Variants in PPP2R1A observed in about 807,000 individuals in gnomAD.
PPP2R1A encodes the protein protein phosphatase 2 scaffold subunit Aalpha.
Under a neutral mutation model 67.1 loss-of-function variants are expected in PPP2R1A, and 15 were observed. The ratio of observed to expected loss-of-function variants is 0.22; its 90% CI spans 0.15 to 0.34. The LOEUF is 0.34. PPP2R1A is among the 10% of genes least tolerant of loss of function. PPP2R1A has a pLI of 1.00. For synonymous variants in PPP2R1A, 337 were observed against 325.0 expected, an observed-to-expected ratio of 1.04 and a Z score of -0.40; for missense variants, 369 against 775.0, an observed-to-expected ratio of 0.48 and a Z score of 6.22.
chr19:52,197,541 G>A (rs1487811420), intron 1 of PPP2R1A, among the ~76,000 whole-genome samples: 1 of 152,122 alleles, frequency 6.6e-6, no homozygotes, highest in Non-Finnish European at 1.5e-5. Flanking sequence ...TGGGCTTGGT[G>A]ACACCTGCCT....
chr19:52,191,288 A>G (rs918113029), intron 1 of PPP2R1A: 2 of 151,882 alleles, frequency 1.3e-5, no homozygotes, highest in Non-Finnish European at 2.9e-5. Context: ...AAATTACTTC[A>G]CCGCTTTGGG....
At chr19:52,223,783 T>C (rs996929355) in intron 13 of PPP2R1A, among the ~76,000 whole-genome samples, 1 of 152,194 alleles carries the variant, frequency 6.6e-6, no homozygotes, top group Non-Finnish European at 1.5e-5. Flanking sequence ...TAGGGTTTGA[T>C]CACTCTGAAA....
Position 52,213,045 on chromosome 19 carries a change from C to T in PPP2R1A, c.742C>T (p.Leu248=), listed in dbSNP as rs2122338474. ...TCTGGAGGCCCTGGTGATGCCCACT[C>T]TGCGCCAGGCCGCTGAAGACAAGTC... ...EDLEALVMPT[L]RQAAEDKSWR... is the part of the protein sequence containing the mutation. The change falls in exon 6 of 15, where the codon CTG becomes TTG. Residue 248 remains leucine, a synonymous_variant. Transcript: ENST00000322088. The surrounding 1 kb of genome is among the most constrained non-coding windows in gnomAD (Gnocchi z 4.2). 5 of 1,611,130 alleles carry T rather than the reference C, an allele frequency of 3.1e-6. No homozygotes were observed. Among genetic ancestry groups the T allele is most frequent in the Non-Finnish European group, 4.2e-6 (5 of 1,179,398 alleles).
rs1979436437 is a variant in PPP2R1A at position 52,229,311 on chromosome 19, G to A, written c.*3330G>A. On this transcript the variant is annotated 3_prime_UTR_variant, in exon 15 of 15. Transcript: ENST00000322088. Reference sequence around the variant, plus strand: ...TATGAAAAAATTAGCTGGGCGTGGTGGAGGGCGCCTGTAATCCCAGCTACT... The same window carrying A: ...TATGAAAAAATTAGCTGGGCGTGGTAGAGGGCGCCTGTAATCCCAGCTACT... 1 of 152,306 alleles carries A rather than the reference G, an allele frequency of 6.6e-6. No homozygotes were observed. The highest frequency in any genetic ancestry group is 2.1e-4 in the South Asian group (1 of 4,820). 9.4% of individuals were successfully genotyped at this position (152,306 alleles called of 1,614,324 possible).
intron 3 of PPP2R1A, among the ~76,000 whole-genome samples, chr19:52,208,838 G>C (rs1248904753): frequency 6.6e-6 from 1 of 152,182 alleles, no homozygotes; most frequent in Non-Finnish European, 1.5e-5. Flanking sequence ...ATCCCTTTGA[G>C]AATCTGTTAA....
At position 52,219,458 on chromosome 19, in the gene PPP2R1A, A is replaced by T. The variant is rs183969154; in HGVS notation, c.1129-233A>T. Among the ~76,000 whole-genome samples, 2 of 152,292 alleles carry T rather than the reference A, an allele frequency of 1.3e-5. No homozygotes were observed. Among genetic ancestry groups the T allele is most frequent in the African/African-American group, 4.8e-5 (2 of 41,548 alleles). Reference sequence around the variant, plus strand: ...GATTCTTAAAGTCTTTTCAAAATGGATAAACATTTCTTGTGATACTATTGT... The same window carrying T: ...GATTCTTAAAGTCTTTTCAAAATGGTTAAACATTTCTTGTGATACTATTGT... On this transcript the variant is annotated intron_variant, in intron 9 of 14. Transcript: ENST00000322088. This position sits in a 1 kb window ranked among gnomAD's most constrained non-coding sequence, Gnocchi z 4.0.
In PPP2R1A at chr19:52,212,449, T is replaced by C. The variant is rs533926891; in HGVS notation, c.504-237T>C. Reference sequence around the variant, plus strand: ...AGCACTTAGCATTGACTAGATTTATTATGCGCAATCTGCGAAGTGTCTCAC... The same window carrying C: ...AGCACTTAGCATTGACTAGATTTATCATGCGCAATCTGCGAAGTGTCTCAC... On this transcript the variant is annotated intron_variant, in intron 4 of 14. Transcript: ENST00000322088. The surrounding 1 kb of genome is among the most constrained non-coding windows in gnomAD (Gnocchi z 4.1). 91 of 550,316 alleles carry C rather than the reference T, an allele frequency of 1.7e-4. No homozygotes were observed. Among genetic ancestry groups the C allele is most frequent in the Non-Finnish European group, 2.8e-4 (88 of 312,224 alleles). The allele number at this position is 550,316 out of a possible 1,614,324, so 34.1% of individuals were successfully genotyped here.
intron 11 of PPP2R1A, 146 bp downstream of exon 11, chr19:52,220,395 T>TA: frequency 1.2e-6 from 1 of 857,402 alleles, no homozygotes; most frequent in Non-Finnish European, 1.9e-6. Context: ...GCATGCTTGT[T>TA]AGAGTCCTAG....
chr19:52,202,179 A>G (rs1568588300), intron 2 of PPP2R1A, 145 bp downstream of exon 2: 5 of 675,812 alleles, frequency 7.4e-6, no homozygotes, highest in Non-Finnish European at 1.0e-5. Context: ...AGGGATTCAG[A>G]GAAGTGCAGT....
At chr19:52,209,072 A>G (rs1042539308) in intron 3 of PPP2R1A, among the ~76,000 whole-genome samples, 1 of 152,162 alleles carries the variant, frequency 6.6e-6, no homozygotes, top group African/African-American at 2.4e-5. Context: ...CCATGCTGGG[A>G]TAGGCCTCCG....
intron 2 of PPP2R1A, among the ~76,000 whole-genome samples, chr19:52,204,557 G>T (rs968161036): frequency 2.6e-5 from 4 of 152,174 alleles, no homozygotes; most frequent in Non-Finnish European, 5.9e-5. Context: ...GTTCCCAGGT[G>T]TTTGGCCTTC....
chr19:52,201,726 G>C, intron 1 of PPP2R1A: 1 of 547,262 alleles, frequency 1.8e-6, no homozygotes, highest in South Asian at 2.1e-5. Context: ...CCCAAGGGAT[G>C]CTTTTGCATT....
Position 52,216,142 on chromosome 19 carries a change from G to A in PPP2R1A, c.993+68G>A. 6.5e-7 allele frequency: 1 copy of A among 1,530,372 alleles called. No homozygotes were observed. The highest frequency in any genetic ancestry group is 9.0e-7 in the Non-Finnish European group (1 of 1,106,172). 94.8% of individuals were successfully genotyped at this position (1,530,372 alleles called of 1,614,324 possible). On this transcript the variant is annotated intron_variant, in intron 8 of 14. Coordinates refer to ENST00000322088, the MANE Select transcript of PPP2R1A (RefSeq NM_014225.6). The surrounding 1 kb of genome is among the most constrained non-coding windows in gnomAD (Gnocchi z 4.3). Reference sequence around the variant, plus strand: ...TGCCAAAAAGAGGGGCTGGAGACAAGGCTTTGGGGATAGTCAGCTGCAAAC... The same window carrying A: ...TGCCAAAAAGAGGGGCTGGAGACAAAGCTTTGGGGATAGTCAGCTGCAAAC...
Position 52,226,011 on chromosome 19 carries a change from G to C in PPP2R1A, c.*30G>C, listed in dbSNP as rs1408740044. The C allele has an allele frequency of 6.2e-7, 1 of 1,614,182 alleles. No homozygotes were observed. Among genetic ancestry groups the C allele is most frequent in the East Asian group, 2.2e-5 (1 of 44,882 alleles). On this transcript the variant is annotated 3_prime_UTR_variant, in exon 15 of 15. Transcript: ENST00000322088. The stretch of plus-strand genomic sequence containing the variant: ...GGAAGAGGAGCAAACACTGGCCTCT[G>C]GTGTCCACCCTCCAACCCCCACAAG...
chr19:52,194,542 A>G (rs1468851179), intron 1 of PPP2R1A, among the ~76,000 whole-genome samples: 1 of 152,088 alleles, frequency 6.6e-6, no homozygotes, highest in Non-Finnish European at 1.5e-5. Flanking sequence ...TTGAGGTGCC[A>G]TTACAAAGCA....
intron 1 of PPP2R1A, among the ~76,000 whole-genome samples, chr19:52,198,025 CAGTG>C: frequency 6.6e-6 from 1 of 152,346 alleles, no homozygotes; most frequent in East Asian, 1.9e-4. Flanking sequence ...AGGATGCTGT[CAGTG>C]AGGCGTGGTT....
chr19:52,201,907 C>G, intron 1 of PPP2R1A, 37 bp from the exon 2 acceptor site: 2 of 1,596,168 alleles, frequency 1.3e-6, no homozygotes, highest in Admixed American at 1.7e-5. Context: ...TCTGGGATTT[C>G]TAACATTCTC....
chr19:52,201,797 TTGG>T, intron 1 of PPP2R1A, 144 bp from the exon 2 acceptor site: 3 of 643,784 alleles, frequency 4.7e-6, no homozygotes, highest in Non-Finnish European at 8.2e-6. Flanking sequence ...ACAGGGTCTC[TTGG>T]TGGGTGTTTG....
chr19:52,220,880 G>T lies in PPP2R1A; in HGVS notation c.1364-99G>T, dbSNP rs1051491591. On this transcript the variant is annotated intron_variant, in intron 11 of 14. Coordinates refer to ENST00000322088, the MANE Select transcript of PPP2R1A (RefSeq NM_014225.6). ...TGGCTCACATGCAGCCTGGCACCTA[G>T]GGGCTGCTTTGTAAGCCATGGTGAG... is the stretch of plus-strand genomic sequence containing the variant. 55 of 1,410,864 alleles carry T rather than the reference G, an allele frequency of 3.9e-5. No homozygotes were observed. The South Asian group carries it at 4.4e-4, about 11-fold the overall frequency. The allele number at this position is 1,410,864 out of a possible 1,614,324, so 87.4% of individuals were successfully genotyped here.
Sources: allele counts gnomAD v4.1 joint callset (sites outside exome capture counted in the v4.1 genomes callset), GRCh38; gene constraint gnomAD v4.1.1; non-coding constraint Gnocchi (gnomAD v3.1); transcripts MANE v1.5; gene names NCBI Gene and HGNC (gene_info 2026-07-23, HGNC 2026-07-21).